SLC16A7: variants seen among roughly 807,000 people sequenced by gnomAD.
SLC16A7 encodes the protein solute carrier family 16 member 7.
A neutral mutation model predicts 34.9 loss-of-function variants in SLC16A7; 33 were observed. That is an observed-to-expected ratio of 0.94 (90% CI 0.72 to 1.26). The LOEUF is 1.26. Ranked by LOEUF, SLC16A7 falls within the 50% of genes most tolerant of loss-of-function variation. SLC16A7 has a pLI of 0.00. For missense variants in SLC16A7, 573 were observed against 578.1 expected (o/e 0.99, Z 0.09); for synonymous variants, 201 against 206.6 (o/e 0.97, Z 0.23).
chr12:59,605,257 A>C (rs1453992426), intron 1 of SLC16A7, among the ~76,000 whole-genome samples: 2 of 152,242 alleles, frequency 1.3e-5, no homozygotes, highest in African/African-American at 2.4e-5. Flanking sequence ...ACCTGGAACC[A>C]AGCTAGAAAG....
Position 59,783,375 on chromosome 12 carries a change from A to G in SLC16A7, c.*3696A>G, listed in dbSNP as rs1383917814. On this transcript the variant is annotated 3_prime_UTR_variant, in exon 6 of 6. Coordinates refer to ENST00000547379, the MANE Select transcript of SLC16A7 (RefSeq NM_001270623.2). ...TTGATATGACAGATGAGTGAAAACA[A>G]AAAACAAGCTCAGCAGACTACCCAA... The G allele has an allele frequency of 6.6e-6, 1 of 152,206 alleles. No individual in the cohort carries two copies. The highest frequency in any genetic ancestry group is 1.5e-5 in the Non-Finnish European group (1 of 68,026). 9.4% of individuals were successfully genotyped at this position (152,206 alleles called of 1,614,324 possible).
intron 3 of SLC16A7, among the ~76,000 whole-genome samples, chr12:59,767,745 G>T (rs1180113018): frequency 6.6e-6 from 1 of 152,022 alleles, no homozygotes; most frequent in Non-Finnish European, 1.5e-5. Context: ...GTACAAGGAG[G>T]TTAATATTGT....
At chr12:59,630,488 G>C (rs1158327137) in intron 1 of SLC16A7, among the ~76,000 whole-genome samples, 2 of 151,702 alleles carry the variant, frequency 1.3e-5, no homozygotes, top group African/African-American at 2.4e-5. Context: ...CTTTCATCAG[G>C]GTTGTTACAA....
intron 3 of SLC16A7, among the ~76,000 whole-genome samples, chr12:59,765,641 G>A: frequency 6.6e-6 from 1 of 152,122 alleles, no homozygotes; most frequent in East Asian, 1.9e-4. Context: ...TCAGATAGTT[G>A]TAGATATGTG....
chr12:59,733,609 C>T, intron 3 of SLC16A7: 1 of 421,364 alleles, frequency 2.4e-6, no homozygotes, highest in Non-Finnish European at 4.8e-6. Context: ...GACCTAAGGG[C>T]TTCCCAAAGG....
At chr12:59,716,250 C>T (rs1305133096) in intron 3 of SLC16A7, among the ~76,000 whole-genome samples, 1 of 152,132 alleles carries the variant, frequency 6.6e-6, no homozygotes, top group Non-Finnish European at 1.5e-5. Flanking sequence ...GGATTAGCGG[C>T]AGCCTGTGGA....
chr12:59,685,666 A>G (rs1193407933), intron 2 of SLC16A7, among the ~76,000 whole-genome samples: 1 of 152,134 alleles, frequency 6.6e-6, no homozygotes, highest in Non-Finnish European at 1.5e-5. Flanking sequence ...AACTGGGCAA[A>G]TACAGGGAAC....
chr12:59,596,100 C>T lies in SLC16A7; in HGVS notation c.-266C>T, dbSNP rs1878378027. 6.6e-6 allele frequency: 1 copy of T among 152,268 alleles called. No individual in the cohort carries two copies. The highest frequency in any genetic ancestry group is 6.5e-5 in the Admixed American group (1 of 15,300). The allele number at this position is 152,268 out of a possible 1,614,324, so 9.4% of individuals were successfully genotyped here. On this transcript the variant is annotated 5_prime_UTR_variant, in exon 1 of 6. Coordinates refer to ENST00000547379, the MANE Select transcript of SLC16A7 (RefSeq NM_001270623.2). This position sits in a 1 kb window ranked among gnomAD's most constrained non-coding sequence, Gnocchi z 5.0. ...CCGCCACCGCCTCCTTCTCCGCTGG[C>T]TGTGGCGGGCGAGGACACGTCAGGG...
rs112011963 is a variant in SLC16A7 at position 59,751,941 on chromosome 12, C to T, written c.218-19278C>T. The stretch of plus-strand genomic sequence containing the variant: ...AGGAACGATCAGACAGCAGCATTAG[C>T]GGTTCACGAAAATCCGCTGATCTGC... On this transcript the variant is annotated intron_variant, in intron 3 of 5. Transcript: ENST00000547379. Among the ~76,000 whole-genome samples the T allele has an allele frequency of 6.3e-4, 96 of 152,290 alleles. 1 individual carries two copies. The highest frequency in any genetic ancestry group is 1.2e-3 in the African/African-American group (48 of 41,556).
In SLC16A7 at chr12:59,774,783, C is replaced by A. The variant is rs924553195; in HGVS notation, c.488C>A (p.Pro163His). ...CCTGTTTTCTTAAGTTCATTGGCTC[C>A]TTTCAATCAGTACCTTTTTAATACT... ...GSPVFLSSLA[P>H]FNQYLFNTFG... Residue 163 changes from proline (P) to histidine (H), a missense_variant, in exon 5 of 6, where the codon CCT becomes CAT. Pro to His is a moderately conservative substitution (Grantham distance 77). Transcript: ENST00000547379. 2.5e-6 allele frequency: 4 copies of A among 1,613,952 alleles called. No homozygotes were observed. Among genetic ancestry groups the A allele is most frequent in the South Asian group, 1.1e-5 (1 of 91,082 alleles).
chr12:59,746,329 C>G (rs1411894039), intron 3 of SLC16A7, among the ~76,000 whole-genome samples: 3 of 152,062 alleles, frequency 2.0e-5, no homozygotes, highest in Non-Finnish European at 2.9e-5. Context: ...ATACAAGAGC[C>G]AAAGCAGATT....
chr12:59,728,501 G>C (rs1396242159), intron 3 of SLC16A7, among the ~76,000 whole-genome samples: 1 of 152,290 alleles, frequency 6.6e-6, no homozygotes, highest in East Asian at 1.9e-4. Context: ...TAGTATTGGA[G>C]CTTTCAAGTA....
At chr12:59,628,427 C>A (rs918589162) in intron 1 of SLC16A7, among the ~76,000 whole-genome samples, 1 of 151,768 alleles carries the variant, frequency 6.6e-6, no homozygotes, top group African/African-American at 2.4e-5. Flanking sequence ...ATGATTTATC[C>A]AATCTTCTTC....
chr12:59,755,677 C>G (rs1592652035), intron 3 of SLC16A7, among the ~76,000 whole-genome samples: 1 of 152,172 alleles, frequency 6.6e-6, no homozygotes. Context: ...AATGGCCATA[C>G]TGCCCAAGGT....
intron 3 of SLC16A7, among the ~76,000 whole-genome samples, chr12:59,717,941 A>G (rs924345437): frequency 1.3e-5 from 2 of 152,178 alleles, no homozygotes; most frequent in South Asian, 4.1e-4. Flanking sequence ...TTTGAAAGAT[A>G]TATTTTCTGC....
intron 3 of SLC16A7, among the ~76,000 whole-genome samples, chr12:59,751,812 T>C (rs987727113): frequency 6.6e-6 from 1 of 152,154 alleles, no homozygotes; most frequent in Admixed American, 6.6e-5. Context: ...CTCAAGTGGG[T>C]CCCTGACCCC....
At chr12:59,604,075 T>C (rs952193775) in intron 1 of SLC16A7, among the ~76,000 whole-genome samples, 2 of 152,270 alleles carry the variant, frequency 1.3e-5, no homozygotes, top group Admixed American at 1.3e-4. Flanking sequence ...GTTTTTTGCA[T>C]GTGACCTGGT....
chr12:59,779,258 A>G (rs780137708), intron 5 of SLC16A7, among the ~76,000 whole-genome samples, 165 bp from the exon 6 acceptor site: 9 of 152,076 alleles, frequency 5.9e-5, no homozygotes, highest in Non-Finnish European at 1.3e-4. Context: ...GCATACCTTT[A>G]CTAAGCATAT....
rs542960406 is a variant in SLC16A7 at position 59,782,557 on chromosome 12, C to A, written c.*2878C>A. 1 of 152,154 alleles carries A rather than the reference C, an allele frequency of 6.6e-6. No individual in the cohort carries two copies. The highest frequency in any genetic ancestry group is 1.9e-4 in the East Asian group (1 of 5,196). 9.4% of individuals were successfully genotyped at this position (152,154 alleles called of 1,614,324 possible). A position where few individuals can be genotyped will look rare whatever the true frequency, so the allele number is the denominator to read the frequency against. On this transcript the variant is annotated 3_prime_UTR_variant, in exon 6 of 6. Coordinates refer to ENST00000547379, the MANE Select transcript of SLC16A7 (RefSeq NM_001270623.2). ...ACTACAATCCCCACTAATCTCTATT[C>A]CCACATTATGAAATTGTACAGAAGA...
Sources: gnomAD v4.1 joint callset for allele counts (sites outside exome capture counted in the v4.1 genomes callset) on GRCh38, gnomAD v4.1.1 for gene constraint, Gnocchi (gnomAD v3.1) non-coding constraint, MANE v1.5 for transcripts, NCBI Gene and HGNC (gene_info 2026-07-23, HGNC 2026-07-21) for gene names.